The following PTPRO variants were observed in gnomAD, a reference collection of about 807,000 sequenced individuals.
The protein encoded by PTPRO is protein tyrosine phosphatase receptor type O, also known as receptor-type tyrosine-protein phosphatase O.
A neutral mutation model predicts 145.2 loss-of-function variants in PTPRO; 62 were observed. The observed-to-expected ratio is 0.43, with a 90% CI of 0.35 to 0.53. The LOEUF is 0.53. PTPRO is among the 20% of genes least tolerant of loss of function. The pLI, the probability that PTPRO is intolerant of heterozygous loss-of-function variation, is 0.01. For missense variants in PTPRO, 1,345 were observed against 1,482.7 expected, an observed-to-expected ratio of 0.91 and a Z score of 1.53; for synonymous variants, 565 against 514.7, an observed-to-expected ratio of 1.10 and a Z score of -1.32.
chr12:15,442,247 CA>C (rs1288194926), intron 1 of PTPRO, among the ~76,000 whole-genome samples: 1 of 152,000 alleles, frequency 6.6e-6, no homozygotes, highest in African/African-American at 2.4e-5. Context: ...AAAACAAAAA[CA>C]ATATGATTAT....
chr12:15,343,088 T>C (rs981719547), intron 1 of PTPRO, among the ~76,000 whole-genome samples: 1 of 152,148 alleles, frequency 6.6e-6, no homozygotes, highest in South Asian at 2.1e-4. Context: ...TTGAATAAAC[T>C]AGTGGACAGT....
intron 1 of PTPRO, among the ~76,000 whole-genome samples, chr12:15,448,955 G>GA (rs1218663512): frequency 8.0e-5 from 12 of 150,938 alleles, no homozygotes; most frequent in East Asian, 5.8e-4. Flanking sequence ...TGTGGAATCT[G>GA]AAAAAAAAGG....
At chr12:15,580,941 G>A (rs1040013282) in intron 22 of PTPRO, 110 bp downstream of exon 22, 5 of 1,431,376 alleles carry the variant, frequency 3.5e-6, no homozygotes, top group Admixed American at 1.7e-5. Flanking sequence ...GAGACAAATC[G>A]CTAAATTTAA....
chr12:15,373,516 C>T (rs538449923), intron 1 of PTPRO, among the ~76,000 whole-genome samples: 1 of 152,302 alleles, frequency 6.6e-6, no homozygotes, highest in East Asian at 1.9e-4. Flanking sequence ...TTCCTCCCCA[C>T]CCACTCTGCT....
At chr12:15,524,121 A>G (rs1942785740) in intron 10 of PTPRO, among the ~76,000 whole-genome samples, 1 of 150,436 alleles carries the variant, frequency 6.6e-6, no homozygotes, top group Non-Finnish European at 1.5e-5. Flanking sequence ...AAGATGATAA[A>G]GTAGCAAGCT....
intron 1 of PTPRO, among the ~76,000 whole-genome samples, chr12:15,389,104 A>ATT (rs148751888): frequency 0.099 from 13,601 of 137,672 alleles, 2,068 homozygotes; most frequent in African/African-American, 0.32. Flanking sequence ...TAAATAAAGA[A>ATT]TTTTTTTTTT....
intron 1 of PTPRO, among the ~76,000 whole-genome samples, chr12:15,474,429 C>T (rs576974039): frequency 3.3e-5 from 5 of 152,252 alleles, no homozygotes; most frequent in South Asian, 2.1e-4. Flanking sequence ...CCTTTTGCTG[C>T]CTCGGTTAGC....
intron 1 of PTPRO, among the ~76,000 whole-genome samples, chr12:15,329,518 T>C (rs1458365606): frequency 6.6e-6 from 1 of 152,200 alleles, no homozygotes; most frequent in African/African-American, 2.4e-5. Flanking sequence ...CCTATAAACA[T>C]TTTTTGGCTG....
intron 1 of PTPRO, among the ~76,000 whole-genome samples, chr12:15,350,194 T>G (rs1411512845): frequency 6.6e-6 from 1 of 152,164 alleles, no homozygotes; most frequent in Admixed American, 6.5e-5. Flanking sequence ...AAAGAAACTT[T>G]CATCTGAGAC....
chr12:15,564,728 A>T (rs1943855712), intron 17 of PTPRO, among the ~76,000 whole-genome samples: 1 of 152,234 alleles, frequency 6.6e-6, no homozygotes, highest in South Asian at 2.1e-4. Flanking sequence ...GGGTGCTTCT[A>T]TCAAAATTAT....
intron 12 of PTPRO, among the ~76,000 whole-genome samples, chr12:15,541,226 A>G (rs1231216984): frequency 6.6e-6 from 1 of 152,242 alleles, no homozygotes; most frequent in African/African-American, 2.4e-5. Flanking sequence ...GAGATGTTCC[A>G]TAACTAATAT....
chr12:15,559,108 A>G (rs1943711234), intron 16 of PTPRO, among the ~76,000 whole-genome samples: 1 of 152,168 alleles, frequency 6.6e-6, no homozygotes, highest in Admixed American at 6.5e-5. Flanking sequence ...AACCAATCCA[A>G]TTATATGTAT....
intron 1 of PTPRO, among the ~76,000 whole-genome samples, chr12:15,467,948 T>G (rs1168030631): frequency 6.6e-6 from 1 of 152,236 alleles, no homozygotes; most frequent in Non-Finnish European, 1.5e-5. Flanking sequence ...TTTCCAGTCT[T>G]GAATGTCCTC....
chr12:15,386,248 A>G (rs1249120306), intron 1 of PTPRO, among the ~76,000 whole-genome samples: 2 of 152,152 alleles, frequency 1.3e-5, no homozygotes, highest in African/African-American at 4.8e-5. Context: ...GCCTTATCAG[A>G]TGCATAATTA....
At chr12:15,419,241 A>C (rs1252657156) in intron 1 of PTPRO, among the ~76,000 whole-genome samples, 2 of 140,948 alleles carry the variant, frequency 1.4e-5, no homozygotes. Context: ...AAGATGCTCC[A>C]GTAACGATAG....
intron 1 of PTPRO, among the ~76,000 whole-genome samples, chr12:15,424,956 T>C (rs1940244565): frequency 6.6e-6 from 1 of 152,146 alleles, no homozygotes; most frequent in Non-Finnish European, 1.5e-5. Flanking sequence ...TGCTTTCTTC[T>C]TAAAGCTGCA....
intron 1 of PTPRO, among the ~76,000 whole-genome samples, chr12:15,377,940 A>T (rs1317550951): frequency 6.6e-6 from 1 of 152,128 alleles, no homozygotes; most frequent in African/African-American, 2.4e-5. Context: ...AAATACTTTG[A>T]AATGAATGAA....
At chr12:15,505,418 T>C (rs962727198) in intron 6 of PTPRO, among the ~76,000 whole-genome samples, 4 of 152,240 alleles carry the variant, frequency 2.6e-5, no homozygotes, top group Non-Finnish European at 5.9e-5. Flanking sequence ...ACTTATATCT[T>C]TCATGCACTC....
chr12:15,455,574 T>A (rs253796), intron 1 of PTPRO, among the ~76,000 whole-genome samples: 142,267 of 152,226 alleles, frequency 0.93, 67,067 homozygotes, highest in East Asian at 1. Flanking sequence ...ACTATAATTA[T>A]GTTTATTCCT....
Sources: gnomAD v4.1 joint callset for allele counts (sites outside exome capture counted in the v4.1 genomes callset) on GRCh38, gnomAD v4.1.1 for gene constraint, MANE v1.5 for transcripts, NCBI Gene and HGNC (gene_info 2026-07-23, HGNC 2026-07-21) for gene names.